The following DCAF8L2 variants were observed in gnomAD, a reference collection of about 807,000 sequenced individuals.
The protein encoded by DCAF8L2 is DDB1- and CUL4-associated factor 8-like protein 2.
For synonymous variants in DCAF8L2, 200 were observed against 190.9 expected, an observed-to-expected ratio of 1.05 and a Z score of -0.39; for missense variants, 430 against 490.7, an observed-to-expected ratio of 0.88 and a Z score of 1.17.
chrX:27,618,861 A>G (rs907952578), intron 1 of DCAF8L2, among the ~76,000 whole-genome samples: 1 of 111,192 alleles, frequency 9.0e-6, no homozygotes, highest in Non-Finnish European at 1.9e-5. Context: ...AAAAGTAGTA[A>G]AGCTTTGGGA....
chrX:27,501,628 G>A, the DCAF8L2 span, among the ~76,000 whole-genome samples: 8 of 111,107 alleles, frequency 7.2e-5, no homozygotes, highest in African/African-American at 2.6e-4. Flanking sequence ...GATGGTATAA[G>A]CAAGAGATCA....
intron 3 of DCAF8L2, among the ~76,000 whole-genome samples, chrX:27,703,222 T>A (rs1246012953): frequency 1.8e-5 from 2 of 111,510 alleles, no homozygotes; most frequent in Admixed American, 1.9e-4. Flanking sequence ...CATCCCATGT[T>A]GACAGAACGA....
At chrX:27,522,391 C>G in the DCAF8L2 span, among the ~76,000 whole-genome samples, 22 of 111,954 alleles carry the variant, frequency 2.0e-4, no homozygotes, top group East Asian at 5.9e-3. Flanking sequence ...TGTTTTTCCT[C>G]TTATTTCATT....
chrX:27,733,146 C>T (rs983028142), intron 4 of DCAF8L2, among the ~76,000 whole-genome samples: 6 of 111,340 alleles, frequency 5.4e-5, no homozygotes, highest in Admixed American at 1.9e-4. Flanking sequence ...TATGAGCCAC[C>T]GTGCCCGGCC....
chrX:27,622,626 C>A (rs959757411), intron 1 of DCAF8L2, among the ~76,000 whole-genome samples: 4 of 110,844 alleles, frequency 3.6e-5, no homozygotes, highest in African/African-American at 1.3e-4. Flanking sequence ...TAACATAATG[C>A]TGACTAGAGC....
chrX:27,615,955 AAGAT>A (rs1442500288), intron 1 of DCAF8L2, among the ~76,000 whole-genome samples: 3 of 111,229 alleles, frequency 2.7e-5, no homozygotes, highest in Non-Finnish European at 3.8e-5. Flanking sequence ...AGAAGATAAT[AAGAT>A]AGATAGATGG....
chrX:27,722,899 T>G (rs981890041), intron 4 of DCAF8L2, among the ~76,000 whole-genome samples: 2 of 110,790 alleles, frequency 1.8e-5, no homozygotes, highest in African/African-American at 6.5e-5. Context: ...CCCAGGAGAA[T>G]GATCTGAAAA....
intron 2 of DCAF8L2, among the ~76,000 whole-genome samples, chrX:27,666,205 A>G (rs1334958942): frequency 1.8e-5 from 2 of 112,314 alleles, no homozygotes; most frequent in African/African-American, 3.2e-5. Flanking sequence ...TGCAGTAAAA[A>G]TAAGAAACCA....
At chrX:27,704,245 C>T (rs1386781186) in intron 3 of DCAF8L2, among the ~76,000 whole-genome samples, 1 of 81,989 alleles carries the variant, frequency 1.2e-5, no homozygotes, top group East Asian at 3.7e-4. Context: ...CACGTGCGCA[C>T]ATACGTATGT....
At chrX:27,701,724 T>A in intron 3 of DCAF8L2, among the ~76,000 whole-genome samples, 1 of 111,112 alleles carries the variant, frequency 9.0e-6, no homozygotes, top group Non-Finnish European at 1.9e-5. Context: ...AAGTAGTGCT[T>A]AATTTATAGC....
the DCAF8L2 span, among the ~76,000 whole-genome samples, chrX:27,535,461 C>T: frequency 9.0e-6 from 1 of 111,705 alleles, no homozygotes; most frequent in Non-Finnish European, 1.9e-5. Flanking sequence ...CAGTTCTGAT[C>T]ATGTCATACC....
chrX:27,711,097 T>G (rs2147282115), intron 3 of DCAF8L2, among the ~76,000 whole-genome samples: 1 of 111,810 alleles, frequency 8.9e-6, no homozygotes. Flanking sequence ...GTTCTCTTAA[T>G]ATGGTTTGCT....
the DCAF8L2 span, among the ~76,000 whole-genome samples, chrX:27,470,750 A>T: frequency 8.9e-6 from 1 of 112,150 alleles, no homozygotes; most frequent in Non-Finnish European, 1.9e-5. Flanking sequence ...TAAAACAAAG[A>T]TAAAAATTCT....
chrX:27,690,614 A>G (rs1930678468), intron 3 of DCAF8L2, among the ~76,000 whole-genome samples: 1 of 82,984 alleles, frequency 1.2e-5, no homozygotes, highest in Non-Finnish European at 2.2e-5. Flanking sequence ...CTAAAAGGAG[A>G]AAAAAAAAAC....
At chrX:27,542,678 G>A in the DCAF8L2 span, among the ~76,000 whole-genome samples, 1 of 103,988 alleles carries the variant, frequency 9.6e-6, no homozygotes, top group Non-Finnish European at 2.0e-5. Flanking sequence ...AAGTAGCTGG[G>A]ACTACAGGCG....
At chrX:27,618,777 T>C (rs375449632) in intron 1 of DCAF8L2, among the ~76,000 whole-genome samples, 1 of 111,535 alleles carries the variant, frequency 9.0e-6, no homozygotes, top group African/African-American at 3.3e-5. Flanking sequence ...TTATTGTAAG[T>C]TCTGTTAATA....
chrX:27,689,078 T>C (rs1345526820), intron 3 of DCAF8L2, among the ~76,000 whole-genome samples: 1 of 112,351 alleles, frequency 8.9e-6, no homozygotes, highest in Admixed American at 9.4e-5. Context: ...TGATTCTAAA[T>C]CATTCCCCCT....
At chrX:27,489,725 A>G in the DCAF8L2 span, among the ~76,000 whole-genome samples, 3 of 111,229 alleles carry the variant, frequency 2.7e-5, no homozygotes, top group Admixed American at 2.9e-4. Flanking sequence ...TTGCCAAACT[A>G]TTTTCTGAAG....
chrX:27,633,875 A>G (rs1928391654), intron 2 of DCAF8L2: 1 of 111,791 alleles, frequency 8.9e-6, no homozygotes, highest in South Asian at 3.7e-4. Flanking sequence ...TACACTTATC[A>G]ATGTTAAAAT....
Sources: gnomAD v4.1 joint callset for allele counts (sites outside exome capture counted in the v4.1 genomes callset) on GRCh38, gnomAD v4.1.1 for gene constraint, MANE v1.5 for transcripts, NCBI Gene and HGNC (gene_info 2026-07-23, HGNC 2026-07-21) for gene names.